DCP1A: variants seen among roughly 807,000 people sequenced by gnomAD.
DCP1A encodes decapping mRNA 1A.
Under a neutral mutation model 58.0 loss-of-function variants are expected in DCP1A, and 20 were observed. The ratio of observed to expected loss-of-function variants is 0.34; its 90% CI spans 0.24 to 0.50. DCP1A has a LOEUF of 0.50. DCP1A is among the 20% of genes least tolerant of loss of function. DCP1A has a pLI of 0.98. For synonymous variants in DCP1A, 285 were observed against 275.1 expected (o/e 1.04, Z -0.36); for missense variants, 613 against 712.2 (o/e 0.86, Z 1.59).
chr3:53,292,366 C>G lies in DCP1A; in HGVS notation c.1086G>C (p.Glu362Asp). 1 of 1,613,182 alleles carries G rather than the reference C, an allele frequency of 6.2e-7. No individual in the cohort carries two copies. The highest frequency in any genetic ancestry group is 1.3e-5 in the African/African-American group (1 of 75,026). The change falls in exon 7 of 10, where the codon GAG becomes GAC. Residue 362 changes from glutamate (E) to aspartate (D), a missense_variant. Physicochemically the swap from Glu to Asp is conservative, Grantham distance 45. This residue lies in a region of DCP1A where 498 missense variants were observed against 556.7 expected (regional missense o/e 0.89). Coordinates refer to ENST00000610213, the MANE Select transcript of DCP1A (RefSeq NM_018403.7). ...RSPLLNQPVP[E>D]LSHASLIANQ... ...TGGCAATCAGACTGGCATGGCTTAGCTCAGGGACTGGCTGGTTCAGGAGTG... is the reference window on the plus strand; with the variant it reads ...TGGCAATCAGACTGGCATGGCTTAGGTCAGGGACTGGCTGGTTCAGGAGTG...
At position 53,312,341 on chromosome 3, in the gene DCP1A, G is replaced by C; in HGVS notation, c.410C>G (p.Ala137Gly). ...EEETRRSQQA[A>G]RDKQSPSQAN... ...CTGGCTGGGACTCTGTTTGTCCCGA[G>C]CAGCTTGCTGGGATCGCCGTGTCTC... Residue 137 changes from alanine to glycine, a missense_variant, in exon 5 of 10, where the codon GCT becomes GGT. Around this residue, in one of 3 missense-constraint regions of DCP1A, gnomAD observed 498 missense variants for 556.7 expected, o/e 0.89. Coordinates refer to ENST00000610213, the MANE Select transcript of DCP1A (RefSeq NM_018403.7). The C allele has an allele frequency of 6.2e-7, 1 of 1,612,604 alleles. No individual in the cohort carries two copies. The highest frequency in any genetic ancestry group is 1.1e-5 in the South Asian group (1 of 90,938).
chr3:53,318,391 G>A (rs1415507490), intron 4 of DCP1A, among the ~76,000 whole-genome samples: 1 of 152,198 alleles, frequency 6.6e-6, no homozygotes, highest in East Asian at 1.9e-4. Flanking sequence ...TTAAACATGT[G>A]ATTGAAAACT....
At chr3:53,294,482 C>T (rs1707049114) in intron 6 of DCP1A, among the ~76,000 whole-genome samples, 1 of 152,088 alleles carries the variant, frequency 6.6e-6, no homozygotes, top group African/African-American at 2.4e-5. Context: ...TAGTTGTGAA[C>T]ATGTCTGGAG....
chr3:53,310,201 T>C (rs1263858230), intron 5 of DCP1A, among the ~76,000 whole-genome samples: 1 of 152,194 alleles, frequency 6.6e-6, no homozygotes, highest in Non-Finnish European at 1.5e-5. Context: ...ATAGACGATA[T>C]TTTATTCCAT....
chr3:53,338,917 G>GA lies in DCP1A; in HGVS notation c.304+3226dup, dbSNP rs1451787288. On this transcript the variant is annotated intron_variant, in intron 3 of 9. Coordinates refer to ENST00000610213, the MANE Select transcript of DCP1A (RefSeq NM_018403.7). The stretch of plus-strand genomic sequence containing the variant: ...TAAATAAAACAAATAACTTAGAACT[G>GA]AAAAAAAGTTATGGTTCACTGTTCT... Among the ~76,000 whole-genome samples, 7 of 151,198 alleles carry GA rather than the reference G, an allele frequency of 4.6e-5. No individual in the cohort carries two copies. The South Asian group carries it at 1.5e-3, about 32-fold the overall frequency.
At chr3:53,319,959 G>A (rs782014066) in intron 3 of DCP1A, among the ~76,000 whole-genome samples, 13 of 151,914 alleles carry the variant, frequency 8.6e-5, no homozygotes, top group East Asian at 1.9e-4. Flanking sequence ...GGTGAAACCC[G>A]TCTCTACTAA....
intron 5 of DCP1A, among the ~76,000 whole-genome samples, chr3:53,307,208 CA>C (rs1672279998): frequency 6.6e-6 from 1 of 152,226 alleles, no homozygotes; most frequent in African/African-American, 2.4e-5. Flanking sequence ...TTCAGCCTTC[CA>C]AAGTGTTGGG....
At chr3:53,303,514 C>T (rs182542578) in intron 6 of DCP1A, among the ~76,000 whole-genome samples, 10 of 152,302 alleles carry the variant, frequency 6.6e-5, no homozygotes, top group African/African-American at 2.2e-4. Flanking sequence ...GATCTGCCTG[C>T]CTCAACCTTC....
At chr3:53,307,609 C>T (rs540155600) in intron 5 of DCP1A, among the ~76,000 whole-genome samples, 4 of 152,250 alleles carry the variant, frequency 2.6e-5, no homozygotes, top group African/African-American at 4.8e-5. Flanking sequence ...GATACTTGTG[C>T]AGGGCCTTTC....
At chr3:53,323,886 T>C (rs1049197162) in intron 3 of DCP1A, among the ~76,000 whole-genome samples, 35 of 150,708 alleles carry the variant, frequency 2.3e-4, no homozygotes, top group Non-Finnish European at 4.4e-4. Context: ...AAAAAAAGTT[T>C]ATGATATGCA....
In DCP1A at chr3:53,319,477, G is replaced by C. The variant is rs1553689666; in HGVS notation, c.305-4C>G. ...AACCAGATACTATATATCGACACTT[G>C]AAAAACAAAGGGAAAAAAAGATAAG... On this transcript the variant is annotated splice_polypyrimidine_tract_variant and splice_region_variant and intron_variant, in intron 3 of 9. Transcript: ENST00000610213. 2 of 1,538,916 alleles carry C rather than the reference G, an allele frequency of 1.3e-6. No individual in the cohort carries two copies. Among genetic ancestry groups the C allele is most frequent in the East Asian group, 2.4e-5 (1 of 41,952 alleles).
chr3:53,302,411 C>T (rs1707336535), intron 6 of DCP1A, among the ~76,000 whole-genome samples: 1 of 152,126 alleles, frequency 6.6e-6, no homozygotes, highest in African/African-American at 2.4e-5. Context: ...AAGGATACAG[C>T]AATGAACAAG....
intron 8 of DCP1A, 130 bp downstream of exon 8, chr3:53,290,661 T>G: frequency 1.3e-6 from 1 of 746,310 alleles, no homozygotes; most frequent in Non-Finnish European, 2.3e-6. Context: ...AGGGAGTGAA[T>G]TATCTCACCT....
At chr3:53,331,567 G>C (rs1287461283) in intron 3 of DCP1A, among the ~76,000 whole-genome samples, 1 of 152,146 alleles carries the variant, frequency 6.6e-6, no homozygotes, top group Non-Finnish European at 1.5e-5. Context: ...TGTCATTTAG[G>C]TTTGTGTAAG....
At chr3:53,341,434 A>G (rs782610723) in intron 3 of DCP1A, among the ~76,000 whole-genome samples, 13 of 152,170 alleles carry the variant, frequency 8.5e-5, no homozygotes, top group Non-Finnish European at 1.8e-4. Context: ...AGCCTGGGCA[A>G]CAGAGCAAGA....
chr3:53,336,575 T>C (rs1425928303), intron 3 of DCP1A, among the ~76,000 whole-genome samples: 3 of 152,164 alleles, frequency 2.0e-5, no homozygotes, highest in Admixed American at 6.5e-5. Context: ...AGTATTTCCT[T>C]GTATATTTAG....
chr3:53,312,313 G>C lies in DCP1A; in HGVS notation c.438C>G (p.Ala146=). 1 of 1,613,514 alleles carries C rather than the reference G, an allele frequency of 6.2e-7. No individual in the cohort carries two copies. The highest frequency in any genetic ancestry group is 1.3e-5 in the African/African-American group (1 of 74,952). ...AARDKQSPSQ[A]NGCSDHRPID... ...TGGGCCTGTGGTCGCTGCAGCCATT[G>C]GCCTGGCTGGGACTCTGTTTGTCCC... is the stretch of plus-strand genomic sequence containing the variant. The change falls in exon 5 of 10, where the codon GCC becomes GCG. Residue 146 remains alanine, a synonymous_variant. Transcript: ENST00000610213.
chr3:53,342,376 C>T (rs1553692634), intron 2 of DCP1A, 105 bp from the exon 3 acceptor site: 2 of 877,070 alleles, frequency 2.3e-6, no homozygotes, highest in Non-Finnish European at 3.4e-6. Context: ...TGCATTAGAA[C>T]ATTATACAAT....
intron 4 of DCP1A, among the ~76,000 whole-genome samples, chr3:53,314,726 C>T (rs1470020646): frequency 1.5e-5 from 2 of 133,168 alleles, no homozygotes; most frequent in Admixed American, 8.7e-5. Flanking sequence ...GGCTAGAGTG[C>T]AGTGGTGCGA....
Sources: gnomAD v4.1 joint callset for allele counts (sites outside exome capture counted in the v4.1 genomes callset) on GRCh38, gnomAD v4.1.1 for gene constraint, gnomAD v4.1.1 regional missense constraint, MANE v1.5 for transcripts, NCBI Gene and HGNC (gene_info 2026-07-23, HGNC 2026-07-21) for gene names.